CAPZB: variants seen among roughly 807,000 people sequenced by gnomAD.
CAPZB encodes F-actin-capping protein subunit beta.
A neutral mutation model predicts 38.1 loss-of-function variants in CAPZB; 2 were observed. The ratio of observed to expected loss-of-function variants is 0.05; its 90% confidence interval spans 0.02 to 0.17. CAPZB has a LOEUF of 0.17. Among genes scored for constraint, CAPZB ranks in the 10% least tolerant of loss-of-function variants. The pLI, the probability that CAPZB is intolerant of heterozygous loss-of-function variation, is 1.00. For synonymous variants in CAPZB, 107 were observed against 127.4 expected (o/e 0.84, Z 1.08); for missense variants, 161 against 334.2 (o/e 0.48, Z 4.04).
intron 8 of CAPZB, among the ~76,000 whole-genome samples, chr1:19,341,238 G>C (rs1365912106): frequency 2.6e-5 from 4 of 152,210 alleles, no homozygotes; most frequent in African/African-American, 9.6e-5. Flanking sequence ...GCGGCCAAAG[G>C]CATCAGCCCC....
chr1:19,350,383 T>C (rs2100279395), intron 6 of CAPZB, among the ~76,000 whole-genome samples: 1 of 152,258 alleles, frequency 6.6e-6, no homozygotes, highest in East Asian at 1.9e-4. Flanking sequence ...TCTCACCGAT[T>C]GTCAAAGCAC....
chr1:19,466,505 C>T (rs879388003), intron 1 of CAPZB, among the ~76,000 whole-genome samples: 2 of 152,184 alleles, frequency 1.3e-5, no homozygotes, highest in African/African-American at 4.8e-5. Context: ...TGAGTAACCT[C>T]GAGGTACCAC....
intron 2 of CAPZB, among the ~76,000 whole-genome samples, chr1:19,402,915 G>T (rs923098162): frequency 3.3e-5 from 5 of 152,152 alleles, no homozygotes; most frequent in African/African-American, 9.7e-5. Flanking sequence ...TGGGGGTGGT[G>T]GCAGGCACCT....
At chr1:19,402,667 C>CT (rs1451833983) in intron 2 of CAPZB, among the ~76,000 whole-genome samples, 1 of 151,806 alleles carries the variant, frequency 6.6e-6, no homozygotes, top group East Asian at 1.9e-4. Flanking sequence ...TCTGCCCACT[C>CT]TAAGCTTTCC....
intron 1 of CAPZB, among the ~76,000 whole-genome samples, chr1:19,460,313 G>C (rs1455789283): frequency 6.6e-6 from 1 of 152,188 alleles, no homozygotes; most frequent in Admixed American, 6.5e-5. Flanking sequence ...GTCTCGCTCT[G>C]TCGCCCAGGC....
intron 8 of CAPZB, among the ~76,000 whole-genome samples, chr1:19,342,151 C>T (rs1021773069): frequency 6.6e-6 from 1 of 152,224 alleles, no homozygotes; most frequent in African/African-American, 2.4e-5. Context: ...GAAGGTTATG[C>T]TGGTTGTGGC....
chr1:19,441,002 G>C (rs915551936), intron 1 of CAPZB, among the ~76,000 whole-genome samples: 5 of 152,224 alleles, frequency 3.3e-5, no homozygotes, highest in Non-Finnish European at 7.3e-5. Flanking sequence ...GGAGCTTGCA[G>C]TGAGCTGAGA....
At chr1:19,431,578 G>A (rs534585938) in intron 1 of CAPZB, among the ~76,000 whole-genome samples, 3 of 140,918 alleles carry the variant, frequency 2.1e-5, no homozygotes, top group South Asian at 2.2e-4. Flanking sequence ...AAAATCAGCT[G>A]GGCGTGGTGG....
At chr1:19,422,206 A>C (rs1259221038) in intron 1 of CAPZB, among the ~76,000 whole-genome samples, 3 of 152,206 alleles carry the variant, frequency 2.0e-5, no homozygotes, top group African/African-American at 7.2e-5. Flanking sequence ...CAATGTATGG[A>C]GACATTTTTG....
At chr1:19,425,852 G>A (rs950099109) in intron 1 of CAPZB, among the ~76,000 whole-genome samples, 1 of 152,190 alleles carries the variant, frequency 6.6e-6, no homozygotes, top group Non-Finnish European at 1.5e-5. Context: ...ACCATCAAGT[G>A]AGATGTAACC....
intron 1 of CAPZB, among the ~76,000 whole-genome samples, chr1:19,453,799 C>T (rs944643961): frequency 6.6e-5 from 10 of 152,238 alleles, no homozygotes; most frequent in African/African-American, 2.4e-4. Context: ...TGAATCCACC[C>T]CTTTTACTAT....
At chr1:19,361,801 G>A (rs894330675) in intron 4 of CAPZB, among the ~76,000 whole-genome samples, 7 of 152,202 alleles carry the variant, frequency 4.6e-5, no homozygotes, top group African/African-American at 1.4e-4. Flanking sequence ...GGAGTCGCCC[G>A]CCAGAATTAA....
intron 1 of CAPZB, chr1:19,448,731 T>G: frequency 1.4e-6 from 2 of 1,383,398 alleles, no homozygotes; most frequent in South Asian, 2.5e-5. Context: ...CCATCAGCTT[T>G]GCTATTTACT....
intron 2 of CAPZB, among the ~76,000 whole-genome samples, chr1:19,400,157 T>A (rs977177889): frequency 1.5e-4 from 23 of 152,080 alleles, no homozygotes; most frequent in African/African-American, 5.6e-4. Context: ...CTTGCCTGCC[T>A]CCGAGACCTC....
intron 2 of CAPZB, among the ~76,000 whole-genome samples, chr1:19,404,044 C>A (rs768541470): frequency 6.6e-6 from 1 of 151,588 alleles, no homozygotes; most frequent in Non-Finnish European, 1.5e-5. Flanking sequence ...ACTAGCCTGG[C>A]CAACATGGTG....
intron 1 of CAPZB, among the ~76,000 whole-genome samples, chr1:19,438,365 G>A (rs556917810): frequency 1.4e-4 from 21 of 152,282 alleles, no homozygotes; most frequent in Non-Finnish European, 2.9e-4. Context: ...AGAAAGTCAG[G>A]GAAAGGAAAT....
At chr1:19,359,207 ACTCTTT>A (rs1470077966) in intron 4 of CAPZB, among the ~76,000 whole-genome samples, 1 of 106,380 alleles carries the variant, frequency 9.4e-6, no homozygotes, top group African/African-American at 3.7e-5. Flanking sequence ...AATTCTCTGT[ACTCTTT>A]TTTTTTTTTT....
At chr1:19,450,792 G>T (rs2094513530) in intron 1 of CAPZB, among the ~76,000 whole-genome samples, 1 of 152,114 alleles carries the variant, frequency 6.6e-6, no homozygotes, top group Non-Finnish European at 1.5e-5. Context: ...TCTGAAGAAG[G>T]ATAAAGCAGC....
chr1:19,448,989 G>A, intron 1 of CAPZB: 1 of 1,593,260 alleles, frequency 6.3e-7, no homozygotes, highest in African/African-American at 1.3e-5. Context: ...GTGGAAACAT[G>A]ACGTGACTAG....
Sources: gnomAD v4.1 joint callset for allele counts (sites outside exome capture counted in the v4.1 genomes callset) on GRCh38, gnomAD v4.1.1 for gene constraint, MANE v1.5 for transcripts, NCBI Gene and HGNC (gene_info 2026-07-23, HGNC 2026-07-21) for gene names.